The following CDK14 variants were observed in gnomAD, a reference collection of about 807,000 sequenced individuals.
CDK14 encodes cyclin-dependent kinase 14.
In CDK14, 34 loss-of-function variants were observed where a neutral mutation model predicts 60.7. The ratio of observed to expected loss-of-function variants is 0.56; its 90% CI spans 0.43 to 0.75. The LOEUF is 0.75. Ranked by LOEUF, CDK14 falls within the 30% of genes least tolerant of loss-of-function variation. The pLI, the probability that CDK14 is intolerant of heterozygous loss-of-function variation, is 0.00. For synonymous variants in CDK14, 197 were observed against 203.7 expected, an observed-to-expected ratio of 0.97 and a Z score of 0.28; for missense variants, 482 against 564.1, an observed-to-expected ratio of 0.85 and a Z score of 1.47.
At chr7:90,797,138 A>C (rs1255341998) in intron 5 of CDK14, among the ~76,000 whole-genome samples, 1 of 151,828 alleles carries the variant, frequency 6.6e-6, no homozygotes, top group Non-Finnish European at 1.5e-5. Context: ...AGGGCTGCTG[A>C]AAAAAAGTAC....
intron 6 of CDK14, among the ~76,000 whole-genome samples, chr7:90,877,875 G>A (rs1157124568): frequency 2.0e-5 from 3 of 152,104 alleles, no homozygotes; most frequent in African/African-American, 4.8e-5. Flanking sequence ...TATCTTGTAA[G>A]GGTTCAAAGG....
At chr7:91,128,648 A>G (rs1302217479) in intron 14 of CDK14, among the ~76,000 whole-genome samples, 2 of 152,188 alleles carry the variant, frequency 1.3e-5, no homozygotes, top group Non-Finnish European at 2.9e-5. Context: ...TCTACAAGTA[A>G]CAAGTAGGTT....
At chr7:90,648,435 T>A (rs1487691163) in intron 2 of CDK14, among the ~76,000 whole-genome samples, 1 of 152,144 alleles carries the variant, frequency 6.6e-6, no homozygotes, top group Non-Finnish European at 1.5e-5. Flanking sequence ...TTCTGTAATA[T>A]CCTATTGCAG....
At chr7:90,838,271 A>G (rs1790179342) in intron 5 of CDK14, among the ~76,000 whole-genome samples, 1 of 152,206 alleles carries the variant, frequency 6.6e-6, no homozygotes, top group Non-Finnish European at 1.5e-5. Context: ...ATAATTTCCT[A>G]TGCCTGTCTT....
chr7:90,889,613 G>C (rs1792052875), intron 6 of CDK14, among the ~76,000 whole-genome samples: 1 of 152,172 alleles, frequency 6.6e-6, no homozygotes, highest in Admixed American at 6.6e-5. Flanking sequence ...CACTGTGATT[G>C]CTATGAGAGG....
In CDK14 at chr7:90,984,211, C is replaced by A; in HGVS notation, c.1011C>A (p.Asp337Glu). The change falls in exon 10 of 15, where the codon GAC becomes GAA. Residue 337 changes from aspartate to glutamate, a missense_variant. By Grantham distance (45) the Asp-to-Glu change is conservative (BLOSUM62 2). Transcript: ENST00000380050. ...QGVAAFPGMK[D>E]IQDQLERIFL... ...TTGCTGCTTTTCCAGGAATGAAAGA[C>A]ATTCAGGATCAACTTGAACGAATAT... The A allele has an allele frequency of 6.2e-7, 1 of 1,611,950 alleles. No homozygotes were observed. Among genetic ancestry groups the A allele is most frequent in the Non-Finnish European group, 8.5e-7 (1 of 1,178,092 alleles).
chr7:90,876,831 A>G (rs566688947), intron 6 of CDK14, among the ~76,000 whole-genome samples: 114 of 152,346 alleles, frequency 7.5e-4, no homozygotes, highest in African/African-American at 2.5e-3. Context: ...TTTTGACGTC[A>G]ATTGTTGTGA....
rs573480672 is a variant in CDK14, at chr7:90,658,251, C to T, written c.123+54002C>T. Among the ~76,000 whole-genome samples, 5 of 152,284 alleles carry T rather than the reference C, an allele frequency of 3.3e-5. No individual in the cohort carries two copies. In the East Asian group the frequency reaches 7.7e-4, roughly 23 times the overall value. On this transcript the variant is annotated intron_variant, in intron 2 of 14. Transcript: ENST00000380050. ...TATCTTAGACTGGGTGACTTATAAA[C>T]AACAGAAATGTATTTCTCATAGTCC... is the stretch of plus-strand genomic sequence containing the variant.
At chr7:90,596,748 A>G (rs1264316899) in intron 1 of CDK14, 30 bp downstream of exon 1, 4 of 1,565,664 alleles carry the variant, frequency 2.6e-6, no homozygotes, top group Non-Finnish European at 2.6e-6. Context: ...CGGCCCCCCC[A>G]GCGCCCGCTC....
At chr7:91,097,385 G>GA (rs60568152) in intron 12 of CDK14, among the ~76,000 whole-genome samples, 44 of 144,004 alleles carry the variant, frequency 3.1e-4, no homozygotes, top group South Asian at 1.1e-3. Context: ...CTGTCTCCAG[G>GA]AAAAAAAAAA....
chr7:90,870,699 G>A (rs1468317450), intron 6 of CDK14, among the ~76,000 whole-genome samples: 1 of 152,058 alleles, frequency 6.6e-6, no homozygotes, highest in Non-Finnish European at 1.5e-5. Flanking sequence ...TATATTCATG[G>A]AACCATTGTT....
At position 90,863,157 on chromosome 7, in the gene CDK14, G is replaced by A. The variant is rs376101607; in HGVS notation, c.545-18G>A. The stretch of plus-strand genomic sequence containing the variant: ...GTTATCCACGATAAATTGTTTCTCT[G>A]TCCATTTTGTTTTACAGCTTCTCTT... On this transcript the variant is annotated intron_variant, in intron 5 of 14. Coordinates refer to ENST00000380050, the MANE Select transcript of CDK14 (RefSeq NM_001287135.2). 11 of 1,407,258 alleles carry A rather than the reference G, an allele frequency of 7.8e-6. No individual in the cohort carries two copies. In the African/African-American group the frequency reaches 1.6e-4, roughly 20 times the overall value. 87.2% of individuals were successfully genotyped at this position (1,407,258 alleles called of 1,614,324 possible).
chr7:90,764,608 T>C (rs552554592), intron 4 of CDK14, among the ~76,000 whole-genome samples: 1 of 152,310 alleles, frequency 6.6e-6, no homozygotes, highest in East Asian at 1.9e-4. Flanking sequence ...CTGTTGATGT[T>C]GGGGAGATGA....
At chr7:91,016,519 T>C (rs1796307431) in intron 10 of CDK14, among the ~76,000 whole-genome samples, 1 of 152,186 alleles carries the variant, frequency 6.6e-6, no homozygotes, top group Admixed American at 6.5e-5. Flanking sequence ...TCAACCTCTT[T>C]TGAAAGTGAG....
intron 5 of CDK14, among the ~76,000 whole-genome samples, chr7:90,855,761 T>C (rs562993035): frequency 8.5e-5 from 13 of 152,290 alleles, no homozygotes; most frequent in African/African-American, 2.9e-4. Flanking sequence ...ATTGGCAGTT[T>C]CATGTGGTCA....
chr7:90,705,155 T>G (rs993366551), intron 2 of CDK14, among the ~76,000 whole-genome samples: 8 of 146,970 alleles, frequency 5.4e-5, no homozygotes, highest in Non-Finnish European at 1.2e-4. Flanking sequence ...AAATTTATAA[T>G]TTTTTCCTTT....
chr7:90,972,600 G>A (rs1794961727), intron 9 of CDK14, among the ~76,000 whole-genome samples: 1 of 152,172 alleles, frequency 6.6e-6, no homozygotes, highest in Non-Finnish European at 1.5e-5. Context: ...TTATTTCAGT[G>A]AACCATGGCT....
chr7:90,879,378 A>G (rs79053311), intron 6 of CDK14, among the ~76,000 whole-genome samples: 4,250 of 152,116 alleles, frequency 0.028, 197 homozygotes, highest in East Asian at 0.18. Flanking sequence ...AAATTTACAT[A>G]CTCTTTGTAT....
At chr7:90,761,362 A>G (rs1434207186) in intron 4 of CDK14, among the ~76,000 whole-genome samples, 3 of 151,788 alleles carry the variant, frequency 2.0e-5, no homozygotes, top group Admixed American at 6.6e-5. Flanking sequence ...TAGTGTAGAA[A>G]TGTTCAATTA....
Sources: allele counts gnomAD v4.1 joint callset (sites outside exome capture counted in the v4.1 genomes callset), GRCh38; gene constraint gnomAD v4.1.1; transcripts MANE v1.5; gene names NCBI Gene and HGNC (gene_info 2026-07-23, HGNC 2026-07-21).